The following IL18 variants were observed in gnomAD, a reference collection of about 807,000 sequenced individuals.
IL18 encodes interleukin 18.
A neutral mutation model predicts 14.2 loss-of-function variants in IL18; 8 were observed. The observed-to-expected ratio is 0.56, with a 90% CI of 0.33 to 1.01. The LOEUF (loss-of-function observed/expected upper bound fraction) is 1.01, where lower values mean the gene tolerates loss of function less well. Among genes scored for constraint, IL18 ranks in the 50% least tolerant of loss-of-function variants. The probability of loss-of-function intolerance (pLI) is 0.03; values close to 1 mark genes in which losing one functional copy is unlikely to be tolerated. For synonymous variants in IL18, 67 were observed against 71.0 expected, an observed-to-expected ratio of 0.94 and a Z score of 0.28; for missense variants, 166 against 231.1, an observed-to-expected ratio of 0.72 and a Z score of 1.83.
At chr11:112,149,658 T>C (rs952655814) in intron 4 of IL18, among the ~76,000 whole-genome samples, 10 of 145,826 alleles carry the variant, frequency 6.9e-5, no homozygotes, top group Non-Finnish European at 1.5e-4. Context: ...CACAGTGTAC[T>C]ACAGCCTCAA....
At chr11:112,153,668 CT>C in intron 2 of IL18, 65 bp from the exon 3 acceptor site, 1 of 1,175,706 alleles carries the variant, frequency 8.5e-7, no homozygotes, top group Non-Finnish European at 1.2e-6. Context: ...AGAATTCAAT[CT>C]CATTCTAGCT....
At chr11:112,152,391 A>G (rs1342470132) in intron 3 of IL18, among the ~76,000 whole-genome samples, 1 of 152,148 alleles carries the variant, frequency 6.6e-6, no homozygotes, top group Non-Finnish European at 1.5e-5. Context: ...TAATAACTAA[A>G]ATAATAGCCT....
chr11:112,157,566 G>T (rs898727591), intron 1 of IL18, among the ~76,000 whole-genome samples: 1 of 152,160 alleles, frequency 6.6e-6, no homozygotes, highest in Non-Finnish European at 1.5e-5. Context: ...AATGAATGAC[G>T]TAAGAGCTGA....
chr11:112,154,913 C>T (rs564229852), intron 2 of IL18, 62 bp downstream of exon 2: 2 of 1,050,164 alleles, frequency 1.9e-6, no homozygotes, highest in Non-Finnish European at 1.5e-6. Context: ...CACCTCACAA[C>T]ATCTTTTCTA....
At chr11:112,144,552 A>G (rs1426655037) in intron 5 of IL18, among the ~76,000 whole-genome samples, 1 of 152,328 alleles carries the variant, frequency 6.6e-6, no homozygotes, top group East Asian at 1.9e-4. Context: ...TGGCCTGGCC[A>G]GTTCTCATTT....
intron 3 of IL18, chr11:112,150,754 G>T (rs1866423983): frequency 6.5e-6 from 1 of 152,692 alleles, no homozygotes; most frequent in South Asian, 2.1e-4. Context: ...TACTTCTTTT[G>T]TTTTCCAGTT....
At chr11:112,150,406 G>A (rs1034962681) in intron 3 of IL18, 200 bp from the exon 4 acceptor site, 2 of 475,040 alleles carry the variant, frequency 4.2e-6, no homozygotes, top group African/African-American at 3.9e-5. Context: ...GAACTACTCT[G>A]CCTCTGAAGT....
In IL18 at chr11:112,163,413, A is replaced by G. The variant is rs578008734; in HGVS notation, c.-9+493T>C. Among the ~76,000 whole-genome samples the G allele has an allele frequency of 2.8e-3, 419 of 152,278 alleles. 4 individuals are homozygous for G. Among genetic ancestry groups the G allele is most frequent in the African/African-American group, 9.5e-3 (394 of 41,556 alleles). ...GAAAGCTATTTCTAATAATTCTAAG[A>G]CGTAATTTGTCTTTTTCACTCATTC... is the stretch of plus-strand genomic sequence containing the variant. On this transcript the variant is annotated intron_variant, in intron 1 of 5. Coordinates refer to ENST00000280357, the MANE Select transcript of IL18 (RefSeq NM_001562.4).
intron 1 of IL18, among the ~76,000 whole-genome samples, chr11:112,159,952 T>C (rs1866601881): frequency 6.6e-6 from 1 of 152,150 alleles, no homozygotes; most frequent in African/African-American, 2.4e-5. Context: ...GGGAGAGTTA[T>C]ATACATGTAC....
At chr11:112,144,502 C>T (rs764076446) in intron 5 of IL18, among the ~76,000 whole-genome samples, 44 of 152,364 alleles carry the variant, frequency 2.9e-4, no homozygotes, top group Middle Eastern at 3.4e-3. Context: ...CCACTTCGGC[C>T]TCCCAAAGTG....
In IL18 at chr11:112,153,586, C is replaced by T; in HGVS notation, c.91+6G>A. ...GCAAAGAAAAATAAATTCATTTCTA[C>T]TTTACCATCATCTTCAGCTAAGAGG... is the stretch of plus-strand genomic sequence containing the variant. On this transcript the variant is annotated splice_donor_region_variant and intron_variant, in intron 3 of 5. Coordinates refer to ENST00000280357, the MANE Select transcript of IL18 (RefSeq NM_001562.4). The T allele has an allele frequency of 6.5e-7, 1 of 1,548,634 alleles. No individual in the cohort carries two copies. The highest frequency in any genetic ancestry group is 8.8e-7 in the Non-Finnish European group (1 of 1,134,294).
At chr11:112,162,341 C>CTTT (rs140882241) in intron 1 of IL18, among the ~76,000 whole-genome samples, 2 of 131,196 alleles carry the variant, frequency 1.5e-5, no homozygotes, top group Non-Finnish European at 3.3e-5. Context: ...CTTTTCTTTT[C>CTTT]TTTTTTTTTT....
At position 112,148,693 on chromosome 11, in the gene IL18, A is replaced by G. The variant is rs1425334012; in HGVS notation, c.270T>C (p.Asp90=). 1 of 1,502,494 alleles carries G rather than the reference A, an allele frequency of 6.7e-7. No individual in the cohort carries two copies. The highest frequency in any genetic ancestry group is 9.0e-7 in the Non-Finnish European group (1 of 1,116,200). 93.1% of individuals were successfully genotyped at this position (1,502,494 alleles called of 1,614,324 possible). A position where few individuals can be genotyped will look rare whatever the true frequency, so the allele number is the denominator to read the frequency against. The change falls in exon 5 of 6, where the codon GAT becomes GAC. Residue 90 remains aspartate (D), a synonymous_variant. Coordinates refer to ENST00000280357, the MANE Select transcript of IL18 (RefSeq NM_001562.4). ...TTACAGCCATACCTCTAGGCTGGCT[A>G]TCTTTATACATACTTATAATAAATA... The part of the protein sequence containing the change: ...RTIFIISMYK[D]SQPRGMAVTI...
At chr11:112,148,468 C>A in intron 5 of IL18, 135 bp downstream of exon 5, 1 of 385,928 alleles carries the variant, frequency 2.6e-6, no homozygotes, top group South Asian at 7.9e-5. Flanking sequence ...TATTTCTGTT[C>A]TAGACAAAAG....
chr11:112,157,920 C>T (rs564706172), intron 1 of IL18, among the ~76,000 whole-genome samples: 18 of 152,316 alleles, frequency 1.2e-4, no homozygotes, highest in Middle Eastern at 3.4e-3. Context: ...TGCAATGGCA[C>T]GATCTCGGCT....
At position 112,143,823 on chromosome 11, in the gene IL18, G is replaced by A. The variant is rs764934507; in HGVS notation, c.361-6C>T. 11 of 1,537,984 alleles carry A rather than the reference G, an allele frequency of 7.2e-6. No individual in the cohort carries two copies. The highest frequency in any genetic ancestry group is 1.8e-5 in the Admixed American group (1 of 55,094). On this transcript the variant is annotated splice_region_variant and splice_polypyrimidine_tract_variant and intron_variant, in intron 5 of 5. Coordinates refer to ENST00000280357, the MANE Select transcript of IL18 (RefSeq NM_001562.4). ...TTATCAGGAGGATTCATTTCCTATA[G>A]AGAAAAAAACATTACCTAATTATTT...
intron 1 of IL18, among the ~76,000 whole-genome samples, chr11:112,160,931 T>C (rs1866620564): frequency 6.6e-6 from 1 of 152,220 alleles, no homozygotes; most frequent in South Asian, 2.1e-4. Context: ...AAGTAGTGTG[T>C]TCTCATCCCC....
At chr11:112,159,400 GACA>G (rs1236593803) in intron 1 of IL18, among the ~76,000 whole-genome samples, 1 of 151,868 alleles carries the variant, frequency 6.6e-6, no homozygotes, top group African/African-American at 2.4e-5. Context: ...ACAGAGGTCA[GACA>G]ACAACTACTG....
In IL18 at chr11:112,150,119, T is replaced by C. The variant is rs748523570; in HGVS notation, c.179A>G (p.Gln60Arg). Residue 60 changes from glutamine (Q) to arginine (R), a missense_variant, in exon 4 of 6, where the codon CAA becomes CGA. Physicochemically the swap from Gln to Arg is conservative, Grantham distance 43. Transcript: ENST00000280357. ...NLNDQVLFIDQGNRPLFEDMT... is the reference protein window; with the variant it reads ...NLNDQVLFIDRGNRPLFEDMT... ...ATCTTCAAATAGAGGCCGATTTCCT[T>C]GGTCAATGAAGAGAACTTGGTCATT... The C allele has an allele frequency of 1.2e-6, 2 of 1,611,562 alleles. No individual in the cohort carries two copies. The highest frequency in any genetic ancestry group is 1.7e-6 in the Non-Finnish European group (2 of 1,178,646).
Sources: gnomAD v4.1 joint callset for allele counts (sites outside exome capture counted in the v4.1 genomes callset) on GRCh38, gnomAD v4.1.1 for gene constraint, MANE v1.5 for transcripts, NCBI Gene and HGNC (gene_info 2026-07-23, HGNC 2026-07-21) for gene names.